FARSB: variants seen among roughly 807,000 people sequenced by gnomAD.
FARSB encodes phenylalanine--tRNA ligase beta subunit.
Under a neutral mutation model 69.6 loss-of-function variants are expected in FARSB, and 40 were observed. That is an observed-to-expected ratio of 0.57 (90% CI 0.45 to 0.75). The LOEUF (loss-of-function observed/expected upper bound fraction) is 0.75. FARSB is among the 30% of genes least tolerant of loss of function. The pLI, the probability that FARSB is intolerant of heterozygous loss-of-function variation, is 0.00. For missense variants in FARSB, 632 were observed against 722.9 expected, an observed-to-expected ratio of 0.87 and a Z score of 1.44; for synonymous variants, 235 against 247.2, an observed-to-expected ratio of 0.95 and a Z score of 0.46.
At chr2:222,621,950 T>C (rs1217389454) in intron 13 of FARSB, among the ~76,000 whole-genome samples, 1 of 152,164 alleles carries the variant, frequency 6.6e-6, no homozygotes, top group East Asian at 1.9e-4. Context: ...TGATAAACAT[T>C]GAATGTATTA....
At chr2:222,599,777 G>T (rs549879689) in intron 16 of FARSB, 151 bp downstream of exon 16, 1 of 629,444 alleles carries the variant, frequency 1.6e-6, no homozygotes, top group African/African-American at 1.9e-5. Flanking sequence ...AGGGAAAGGG[G>T]ATATTTTCTG....
chr2:222,601,348 C>A (rs973226434), intron 15 of FARSB, among the ~76,000 whole-genome samples: 1 of 151,898 alleles, frequency 6.6e-6, no homozygotes, highest in East Asian at 1.9e-4. Flanking sequence ...GTAATCCCAG[C>A]GCTTTGGAAG....
rs767591029 is a variant in FARSB at position 222,644,651 on chromosome 2, A to T, written c.115-1646T>A. ...AGCAGCACCCCCTTATCCACAGGGG[A>T]TATGTTTCAAGCTCCCCAGTGGATG... On this transcript the variant is annotated intron_variant, in intron 2 of 16. Coordinates refer to ENST00000281828, the MANE Select transcript of FARSB (RefSeq NM_005687.5). The T allele has an allele frequency of 1.6e-4, 57 of 362,434 alleles. No individual in the cohort carries two copies. The East Asian group carries it at 4.6e-3, about 29-fold the overall frequency. 22.5% of individuals were successfully genotyped at this position (362,434 alleles called of 1,614,324 possible).
At chr2:222,618,653 A>G (rs906150169) in intron 14 of FARSB, among the ~76,000 whole-genome samples, 1 of 152,214 alleles carries the variant, frequency 6.6e-6, no homozygotes, top group Non-Finnish European at 1.5e-5. Flanking sequence ...ATCACTTAAT[A>G]CTCAATATTA....
intron 16 of FARSB, among the ~76,000 whole-genome samples, chr2:222,580,849 A>G (rs1689949105): frequency 6.6e-6 from 1 of 152,200 alleles, no homozygotes; most frequent in Non-Finnish European, 1.5e-5. Flanking sequence ...GCGACAAAAT[A>G]TAGTGACTCG....
At position 222,571,804 on chromosome 2, in the gene FARSB, G is replaced by GT; in HGVS notation, c.*66_*67insA. 1 of 1,341,436 alleles carries GT rather than the reference G, an allele frequency of 7.5e-7. No individual in the cohort carries two copies. The highest frequency in any genetic ancestry group is 1.3e-5 in the South Asian group (1 of 75,206). The allele number at this position is 1,341,436 out of a possible 1,614,324, so 83.1% of individuals were successfully genotyped here. A position where few individuals can be genotyped will look rare whatever the true frequency, so the allele number is the denominator to read the frequency against. ...CAAATAGATGTTCCCTGTGGAGGAG[G>GT]ACTTAAGGACACTAGGGGAGGAGAA... is the stretch of plus-strand genomic sequence containing the variant. On this transcript the variant is annotated 3_prime_UTR_variant, in exon 17 of 17. Coordinates refer to ENST00000281828, the MANE Select transcript of FARSB (RefSeq NM_005687.5).
chr2:222,623,061 C>A (rs1011854204), intron 13 of FARSB, among the ~76,000 whole-genome samples: 1 of 151,118 alleles, frequency 6.6e-6, no homozygotes, highest in East Asian at 1.9e-4. Flanking sequence ...GCAGGCACCA[C>A]AGAAATGCTC....
At chr2:222,625,575 C>T (rs945438841) in intron 10 of FARSB, among the ~76,000 whole-genome samples, 1 of 152,156 alleles carries the variant, frequency 6.6e-6, no homozygotes, top group Non-Finnish European at 1.5e-5. Flanking sequence ...GGCAGTGACA[C>T]CAGAGCTACT....
chr2:222,641,959 A>G (rs1691729872), intron 3 of FARSB, among the ~76,000 whole-genome samples: 1 of 152,218 alleles, frequency 6.6e-6, no homozygotes, highest in African/African-American at 2.4e-5. Context: ...ACAATTTTTA[A>G]TAGCTGTTCA....
chr2:222,634,347 CATG>C (rs1691518803), intron 6 of FARSB, 41 bp downstream of exon 6: 1 of 1,403,254 alleles, frequency 7.1e-7, no homozygotes, highest in African/African-American at 1.4e-5. Flanking sequence ...GATGGAATTT[CATG>C]ATTTTTGCAA....
At chr2:222,619,320 A>T (rs77762677) in intron 14 of FARSB, among the ~76,000 whole-genome samples, 41 of 29,836 alleles carry the variant, frequency 1.4e-3, no homozygotes, top group East Asian at 7.5e-3. Flanking sequence ...AATAAAAATT[A>T]AAAAAAAAAA....
chr2:222,580,131 A>C (rs1043345517), intron 16 of FARSB, among the ~76,000 whole-genome samples: 1 of 151,600 alleles, frequency 6.6e-6, no homozygotes, highest in African/African-American at 2.4e-5. Context: ...ATTATACATA[A>C]TAAATATTAT....
At chr2:222,635,934 G>A (rs1691568047) in intron 5 of FARSB, among the ~76,000 whole-genome samples, 1 of 151,682 alleles carries the variant, frequency 6.6e-6, no homozygotes, top group Non-Finnish European at 1.5e-5. Context: ...GTAAAAATTA[G>A]CTGGCTGTGG....
chr2:222,591,227 GAAAGAAAGAA>G (rs1422339277), intron 16 of FARSB, among the ~76,000 whole-genome samples: 2 of 149,830 alleles, frequency 1.3e-5, no homozygotes, highest in African/African-American at 2.4e-5. Flanking sequence ...AAAAAAAAAG[GAAAGAAAGAA>G]AAAGAAAGAA....
intron 8 of FARSB, among the ~76,000 whole-genome samples, chr2:222,631,255 A>G (rs1256407280): frequency 2.0e-5 from 3 of 152,082 alleles, no homozygotes; most frequent in African/African-American, 7.2e-5. Context: ...AGTCAACTAG[A>G]TAAACAATTT....
At chr2:222,624,875 A>C (rs892624580) in intron 10 of FARSB, 100 bp from the exon 11 acceptor site, 5 of 681,764 alleles carry the variant, frequency 7.3e-6, no homozygotes, top group African/African-American at 7.3e-5. Context: ...CGTTCCCAAG[A>C]AATTGTCATT....
chr2:222,637,607 A>G (rs1182067727), intron 5 of FARSB, among the ~76,000 whole-genome samples: 1 of 152,194 alleles, frequency 6.6e-6, no homozygotes, highest in African/African-American at 2.4e-5. Context: ...CCTCAGCAGT[A>G]GGGACTAATT....
chr2:222,654,877 T>C (rs1692130059), intron 1 of FARSB, among the ~76,000 whole-genome samples: 1 of 152,138 alleles, frequency 6.6e-6, no homozygotes, highest in Non-Finnish European at 1.5e-5. Context: ...CACGAACCAG[T>C]TGGTCCAGCC....
chr2:222,568,782 G>C lies in FARSB; in HGVS notation c.*3089C>G, dbSNP rs553952813. Reference sequence around the variant, plus strand: ...TTGAACCCAGGAGGTGGAGGTTGCAGTGAGCCAAGATTGTGCCATTGCACT... The same window carrying C: ...TTGAACCCAGGAGGTGGAGGTTGCACTGAGCCAAGATTGTGCCATTGCACT... On this transcript the variant is annotated 3_prime_UTR_variant, in exon 17 of 17. Transcript: ENST00000281828. The surrounding 1 kb of genome is among the most constrained non-coding windows in gnomAD (Gnocchi z 4.3). 6.6e-6 allele frequency: 1 copy of C among 152,516 alleles called. No individual in the cohort carries two copies. The highest frequency in any genetic ancestry group is 1.5e-5 in the Non-Finnish European group (1 of 68,278). The allele number at this position is 152,516 out of a possible 1,614,324, so 9.4% of individuals were successfully genotyped here. A position where few individuals can be genotyped will look rare whatever the true frequency, so the allele number is the denominator to read the frequency against.
Sources: allele counts gnomAD v4.1 joint callset (sites outside exome capture counted in the v4.1 genomes callset), GRCh38; gene constraint gnomAD v4.1.1; non-coding constraint Gnocchi (gnomAD v3.1); transcripts MANE v1.5; gene names NCBI Gene and HGNC (gene_info 2026-07-23, HGNC 2026-07-21).